The following GRM8 variants were observed in gnomAD, a reference collection of about 807,000 sequenced individuals.
The protein encoded by GRM8 is metabotropic glutamate receptor 8.
A neutral mutation model predicts 87.2 loss-of-function variants in GRM8; 47 were observed. That is an observed-to-expected ratio of 0.54 (90% confidence interval 0.43 to 0.69). GRM8 has a LOEUF of 0.69. GRM8 is among the 30% of genes least tolerant of loss of function. The pLI, the probability that GRM8 is intolerant of heterozygous loss-of-function variation, is 0.00. For synonymous variants in GRM8, 396 were observed against 404.5 expected (o/e 0.98, Z 0.25); for missense variants, 1,019 against 1,139.2 (o/e 0.89, Z 1.52).
intron 9 of GRM8, among the ~76,000 whole-genome samples, chr7:126,505,536 CA>C (rs1267720847): frequency 1.1e-4 from 16 of 152,008 alleles, no homozygotes; most frequent in Admixed American, 2.0e-4. Flanking sequence ...AATTGCTCTG[CA>C]AACTACTTTT....
chr7:126,596,419 C>T (rs991794689), intron 8 of GRM8, among the ~76,000 whole-genome samples: 2 of 152,040 alleles, frequency 1.3e-5, no homozygotes, highest in African/African-American at 2.4e-5. Context: ...TAAAGTTGAA[C>T]GTTTTTTCAT....
chr7:126,839,571 T>C (rs997759458), intron 6 of GRM8, among the ~76,000 whole-genome samples: 1 of 152,140 alleles, frequency 6.6e-6, no homozygotes, highest in Non-Finnish European at 1.5e-5. Context: ...GAAAATCTGA[T>C]ACTGAGAATT....
At chr7:126,527,130 G>A (rs1370561672) in intron 9 of GRM8, among the ~76,000 whole-genome samples, 3 of 152,180 alleles carry the variant, frequency 2.0e-5, no homozygotes, top group South Asian at 4.1e-4. Context: ...AGGCCGAGGC[G>A]GGTGGATCAT....
chr7:126,807,211 C>A (rs1792859063), intron 6 of GRM8, among the ~76,000 whole-genome samples: 1 of 152,104 alleles, frequency 6.6e-6, no homozygotes, highest in South Asian at 2.1e-4. Context: ...ACTTCTGCTT[C>A]TTTTATGTAC....
rs192594041 is a variant in GRM8, at chr7:126,624,561, C to A, written c.1358-15063G>T. Among the ~76,000 whole-genome samples the A allele has an allele frequency of 2.0e-3, 302 of 152,316 alleles. 1 individual carries two copies. Among genetic ancestry groups the A allele is most frequent in the Middle Eastern group, 6.8e-3 (2 of 294 alleles). ...TTGTTTAACTGATCGATATAAATCG[C>A]TGGATGATATGCCTGTGATTGTGGA... On this transcript the variant is annotated intron_variant, in intron 7 of 10. Coordinates refer to ENST00000339582, the MANE Select transcript of GRM8 (RefSeq NM_000845.3).
At chr7:126,596,171 C>T (rs1585164429) in intron 8 of GRM8, among the ~76,000 whole-genome samples, 1 of 152,130 alleles carries the variant, frequency 6.6e-6, no homozygotes, top group South Asian at 2.1e-4. Context: ...GGTATATACG[C>T]CAGTAATGGG....
chr7:126,449,556 G>C (rs1196852386), intron 9 of GRM8, among the ~76,000 whole-genome samples: 3 of 151,844 alleles, frequency 2.0e-5, no homozygotes, highest in Non-Finnish European at 1.5e-5. Flanking sequence ...GTTTAGAGAA[G>C]AGCTGATAGC....
chr7:126,945,491 A>T (rs1204557), intron 3 of GRM8, among the ~76,000 whole-genome samples: 116,630 of 152,090 alleles, frequency 0.77, 45,076 homozygotes, highest in East Asian at 0.97. Context: ...ACCTGACATA[A>T]GACAGGTTGC....
chr7:126,810,724 T>A (rs1348580903), intron 6 of GRM8, among the ~76,000 whole-genome samples: 1 of 152,164 alleles, frequency 6.6e-6, no homozygotes, highest in African/African-American at 2.4e-5. Flanking sequence ...TTTACAATTA[T>A]CTTACCTAAG....
chr7:127,199,215 C>T (rs1437495340), intron 2 of GRM8, among the ~76,000 whole-genome samples: 1 of 152,170 alleles, frequency 6.6e-6, no homozygotes. Flanking sequence ...CCTGCCTCAG[C>T]CTCCCAAAGT....
At chr7:127,071,865 A>G (rs748541598) in intron 3 of GRM8, among the ~76,000 whole-genome samples, 28 of 152,064 alleles carry the variant, frequency 1.8e-4, no homozygotes, top group Admixed American at 3.3e-4. Flanking sequence ...CAGACCCCCA[A>G]CTGAAATTCA....
intron 2 of GRM8, among the ~76,000 whole-genome samples, chr7:127,177,754 T>C (rs943483209): frequency 3.9e-5 from 6 of 152,040 alleles, no homozygotes; most frequent in Non-Finnish European, 8.8e-5. Flanking sequence ...GAGACAACAA[T>C]CACTGCAGTT....
intron 7 of GRM8, among the ~76,000 whole-genome samples, chr7:126,698,452 A>C (rs1324804634): frequency 6.6e-6 from 1 of 152,138 alleles, no homozygotes; most frequent in East Asian, 1.9e-4. Context: ...ATTACTTTCC[A>C]CATATTACAA....
chr7:126,954,430 T>C (rs1432682194), intron 3 of GRM8, among the ~76,000 whole-genome samples: 2 of 152,134 alleles, frequency 1.3e-5, no homozygotes, highest in Non-Finnish European at 2.9e-5. Flanking sequence ...GGTTGCTAAG[T>C]CTAGCAAATA....
At chr7:127,037,667 G>A (rs554735747) in intron 3 of GRM8, among the ~76,000 whole-genome samples, 2 of 152,292 alleles carry the variant, frequency 1.3e-5, no homozygotes, top group South Asian at 4.1e-4. Flanking sequence ...AGGAGTGGGG[G>A]CTACTAGGAC....
chr7:127,031,470 T>C (rs1817359819), intron 3 of GRM8, among the ~76,000 whole-genome samples: 1 of 152,092 alleles, frequency 6.6e-6, no homozygotes, highest in Admixed American at 6.6e-5. Flanking sequence ...TTTTTGAACA[T>C]GGCTGCTCCT....
chr7:126,862,616 C>A (rs957621629), intron 6 of GRM8, among the ~76,000 whole-genome samples: 9 of 151,934 alleles, frequency 5.9e-5, no homozygotes, highest in African/African-American at 2.2e-4. Context: ...AAGAAAGCAG[C>A]ATTTTTACTA....
chr7:126,562,366 T>C (rs1793799583), intron 8 of GRM8, among the ~76,000 whole-genome samples: 2 of 152,338 alleles, frequency 1.3e-5, no homozygotes, highest in South Asian at 4.1e-4. Context: ...TCAAACTGTT[T>C]GGTATGGGTA....
chr7:127,109,239 G>A (rs1254506979), intron 2 of GRM8, among the ~76,000 whole-genome samples: 2 of 151,422 alleles, frequency 1.3e-5, no homozygotes, highest in Admixed American at 6.6e-5. Flanking sequence ...GAGAAGCGGA[G>A]GAAAAAAATG....
Sources: gnomAD v4.1 joint callset for allele counts (sites outside exome capture counted in the v4.1 genomes callset) on GRCh38, gnomAD v4.1.1 for gene constraint, MANE v1.5 for transcripts, NCBI Gene and HGNC (gene_info 2026-07-23, HGNC 2026-07-21) for gene names.